The following DDIAS variants were observed in gnomAD, a reference collection of about 807,000 sequenced individuals.
The protein encoded by DDIAS is DNA damage induced apoptosis suppressor.
DDIAS carries 14 observed loss-of-function variants against 15.7 expected under a neutral mutation model. That is an observed-to-expected ratio of 0.89 (90% CI 0.59 to 1.39). The LOEUF (loss-of-function observed/expected upper bound fraction) is 1.39. DDIAS is among the 40% of genes most tolerant of loss of function. DDIAS has a pLI of 0.00. For missense variants in DDIAS, 1,035 were observed against 1,130.9 expected (o/e 0.92, Z 1.22); for synonymous variants, 355 against 395.9 (o/e 0.90, Z 1.23).
rs1756925131 is a variant in DDIAS, at chr11:82,932,900, CTG to C, written c.1564_1565del (p.Val522LysfsTer3). On this transcript the variant is annotated frameshift_variant, in exon 6 of 6. Coordinates refer to ENST00000533655, the MANE Select transcript of DDIAS (RefSeq NM_145018.4). LOFTEE classifies it low-confidence loss of function (END_TRUNC). ...CCAGATAACAAAGTAGAGGCTGTCT[CTG>C]TAAATCATAATGGAAGAGATATGTC... 1.9e-6 allele frequency: 3 copies of C among 1,612,702 alleles called. No homozygotes were observed. Among genetic ancestry groups the C allele is most frequent in the Non-Finnish European group, 2.5e-6 (3 of 1,179,304 alleles).
intron 5 of DDIAS, among the ~76,000 whole-genome samples, chr11:82,930,827 A>AT (rs1860967007): frequency 3.9e-5 from 6 of 152,150 alleles, no homozygotes; most frequent in Admixed American, 3.9e-4. Flanking sequence ...ACAAAGAGAC[A>AT]TTTTTTTCCA....
At chr11:82,924,907 A>G (rs756820802) in intron 3 of DDIAS, among the ~76,000 whole-genome samples, 14 of 152,206 alleles carry the variant, frequency 9.2e-5, no homozygotes, top group Non-Finnish European at 2.1e-4. Flanking sequence ...AATTACAGCT[A>G]TTATTTCAGA....
chr11:82,932,524 C>T lies in DDIAS; in HGVS notation c.1186C>T (p.Leu396Phe). ...KRSACCPPSL[L>F]RLEETASSSQ... ...ATCTGCATGTTGTCCACCTTCGTTACTCAGACTTGAAGAGACAGCCAGCAG... is the reference window on the plus strand; with the variant it reads ...ATCTGCATGTTGTCCACCTTCGTTATTCAGACTTGAAGAGACAGCCAGCAG... The change falls in exon 6 of 6, where the codon CTC becomes TTC. Residue 396 changes from leucine to phenylalanine, a missense_variant. By Grantham distance (22) the Leu-to-Phe change is conservative. Transcript: ENST00000533655. 2 of 1,614,212 alleles carry T rather than the reference C, an allele frequency of 1.2e-6. No homozygotes were observed. The highest frequency in any genetic ancestry group is 1.7e-6 in the Non-Finnish European group (2 of 1,180,032).
At chr11:82,913,116 G>A (rs1860558106) in intron 1 of DDIAS, among the ~76,000 whole-genome samples, 171 bp from the exon 2 acceptor site, 1 of 152,186 alleles carries the variant, frequency 6.6e-6, no homozygotes, top group Non-Finnish European at 1.5e-5. Flanking sequence ...GAGATGGAAG[G>A]TGAGCACATG....
chr11:82,904,891 A>G (rs1169660909), intron 1 of DDIAS, among the ~76,000 whole-genome samples: 1 of 152,222 alleles, frequency 6.6e-6, no homozygotes, highest in Non-Finnish European at 1.5e-5. Flanking sequence ...GCTCTTCTTC[A>G]AGCAACTTTC....
intron 1 of DDIAS, among the ~76,000 whole-genome samples, chr11:82,909,485 GC>G (rs2121318525): frequency 6.6e-6 from 1 of 152,274 alleles, no homozygotes; most frequent in Non-Finnish European, 1.5e-5. Flanking sequence ...ATTTTACCCA[GC>G]CTCTAGACAA....
intron 1 of DDIAS, among the ~76,000 whole-genome samples, chr11:82,903,001 A>G (rs1860352603): frequency 6.6e-6 from 1 of 152,250 alleles, no homozygotes; most frequent in Admixed American, 6.5e-5. Context: ...ACTGATGCCT[A>G]AAAGATGAGC....
At chr11:82,928,177 CTTTTTTTTTTTTTTTTTTTTTTTT>C (rs541845327) in intron 3 of DDIAS, among the ~76,000 whole-genome samples, 12 of 34,208 alleles carry the variant, frequency 3.5e-4, no homozygotes, top group East Asian at 2.6e-3. Flanking sequence ...TTTTTGTCCT[CTTTTTTTTTTTTTTTTTTTTTTTT>C]TTTTTTTTTT....
rs1013472407 is a variant in DDIAS, at chr11:82,901,763, A to T, written c.-176A>T. 1 of 152,066 alleles carries T rather than the reference A, an allele frequency of 6.6e-6. No individual in the cohort carries two copies. Among genetic ancestry groups the T allele is most frequent in the Non-Finnish European group, 1.5e-5 (1 of 68,076 alleles). The allele number at this position is 152,066 out of a possible 1,614,324, so 9.4% of individuals were successfully genotyped here. A position where few individuals can be genotyped will look rare whatever the true frequency, so the allele number is the denominator to read the frequency against. On this transcript the variant is annotated 5_prime_UTR_variant, in exon 1 of 6. Coordinates refer to ENST00000533655, the MANE Select transcript of DDIAS (RefSeq NM_145018.4). Reference sequence around the variant, plus strand: ...TTGGAAGGCTGCCGGCGTGCTACTGAGTTCGGCCGGTCCGAGTCACTGTGC... The same window carrying T: ...TTGGAAGGCTGCCGGCGTGCTACTGTGTTCGGCCGGTCCGAGTCACTGTGC...
intron 3 of DDIAS, among the ~76,000 whole-genome samples, chr11:82,921,571 C>CTTTTTTTTTTTTTTTTTT (rs968751055): frequency 4.7e-4 from 37 of 78,120 alleles, no homozygotes; most frequent in East Asian, 7.7e-4. Flanking sequence ...TTCTTTCTTT[C>CTTTTTTTTTTTTTTTTTT]TTTTTTTTTT....
chr11:82,933,156 T>A lies in DDIAS; in HGVS notation c.1818T>A (p.Leu606=). 6.2e-7 allele frequency: 1 copy of A among 1,610,544 alleles called. No individual in the cohort carries two copies. The highest frequency in any genetic ancestry group is 1.7e-5 in the Admixed American group (1 of 59,844). Residue 606 remains leucine, a synonymous_variant, in exon 6 of 6, where the codon CTT becomes CTA. Coordinates refer to ENST00000533655, the MANE Select transcript of DDIAS (RefSeq NM_145018.4). ...GGAAGTATAATGATGTCTCTGATCT[T>A]TGCAAATTAGAAAATAAACAATATT... ...CYRKYNDVSD[L]CKLENKQYCR...
At position 82,932,415 on chromosome 11, in the gene DDIAS, A is replaced by T; in HGVS notation, c.1077A>T (p.Ala359=). The part of the protein sequence containing the change: ...ESSNTKSFHS[A]VEIKNRSQHE... ...GTAATACAAAATCCTTCCACAGTGCAGTGGAAATTAAAAATAGGTCCCAGC... is the reference window on the plus strand; with the variant it reads ...GTAATACAAAATCCTTCCACAGTGCTGTGGAAATTAAAAATAGGTCCCAGC... Residue 359 remains alanine (A), a synonymous_variant, in exon 6 of 6, where the codon GCA becomes GCT. Transcript: ENST00000533655. 6.2e-7 allele frequency: 1 copy of T among 1,614,022 alleles called. No homozygotes were observed.
intron 1 of DDIAS, among the ~76,000 whole-genome samples, chr11:82,910,602 CTCTCTTTTTTT>C (rs1211671977): frequency 0.065 from 8,419 of 128,904 alleles, 587 homozygotes; most frequent in African/African-American, 0.18. Context: ...TTCTCTCTCT[CTCTCTTTTTTT>C]TTTTTTTTTT....
At chr11:82,924,711 A>G (rs1445619772) in intron 3 of DDIAS, among the ~76,000 whole-genome samples, 1 of 152,124 alleles carries the variant, frequency 6.6e-6, no homozygotes, top group Non-Finnish European at 1.5e-5. Flanking sequence ...GCTGCTCAGG[A>G]GTCTGAGGTG....
chr11:82,927,639 T>G (rs995479375), intron 3 of DDIAS, among the ~76,000 whole-genome samples: 1 of 152,130 alleles, frequency 6.6e-6, no homozygotes, highest in African/African-American at 2.4e-5. Context: ...TCAAAAAAAT[T>G]TTTTAAACTA....
At chr11:82,928,522 A>C (rs556883032) in intron 3 of DDIAS, among the ~76,000 whole-genome samples, 19 of 151,888 alleles carry the variant, frequency 1.3e-4, no homozygotes, top group African/African-American at 4.3e-4. Context: ...TTTCATGCAC[A>C]GTTCTCCTTT....
At chr11:82,904,790 A>C (rs1212999492) in intron 1 of DDIAS, among the ~76,000 whole-genome samples, 1 of 152,230 alleles carries the variant, frequency 6.6e-6, no homozygotes, top group Non-Finnish European at 1.5e-5. Flanking sequence ...CAATGAGTTT[A>C]TATATCTGGT....
chr11:82,920,344 CTT>C (rs201078411), intron 3 of DDIAS, among the ~76,000 whole-genome samples: 1,959 of 152,066 alleles, frequency 0.013, 31 homozygotes, highest in African/African-American at 0.044. Context: ...TTTCATGTAT[CTT>C]TTGTATTTGT....
chr11:82,906,929 C>G (rs1035873810), intron 1 of DDIAS, among the ~76,000 whole-genome samples: 3 of 152,118 alleles, frequency 2.0e-5, no homozygotes, highest in Admixed American at 6.5e-5. Flanking sequence ...ATCTGAAGTT[C>G]AGATTGACAA....
Sources: gnomAD v4.1 joint callset for allele counts (sites outside exome capture counted in the v4.1 genomes callset) on GRCh38, gnomAD v4.1.1 for gene constraint, MANE v1.5 for transcripts, NCBI Gene and HGNC (gene_info 2026-07-23, HGNC 2026-07-21) for gene names.